LHFPL3: variants seen among roughly 807,000 people sequenced by gnomAD.
The protein encoded by LHFPL3 is LHFPL tetraspan subfamily member 3.
A neutral mutation model predicts 19.3 loss-of-function variants in LHFPL3; 5 were observed. The observed-to-expected ratio is 0.26, with a 90% CI of 0.14 to 0.54. LHFPL3 has a LOEUF of 0.54. LHFPL3 is among the 20% of genes least tolerant of loss of function. The pLI is 0.94. For synonymous variants in LHFPL3, 133 were observed against 126.2 expected (o/e 1.05, Z -0.36); for missense variants, 249 against 307.4 (o/e 0.81, Z 1.42).
chr7:104,890,370 C>T (rs888023161), intron 2 of LHFPL3, among the ~76,000 whole-genome samples: 2 of 152,184 alleles, frequency 1.3e-5, no homozygotes, highest in Admixed American at 1.3e-4. Context: ...CTTACTGGTC[C>T]TGTGCATCTT....
At chr7:104,637,485 G>T (rs897096167) in intron 1 of LHFPL3, among the ~76,000 whole-genome samples, 1 of 152,120 alleles carries the variant, frequency 6.6e-6, no homozygotes, top group Non-Finnish European at 1.5e-5. Context: ...TACTTCCTAG[G>T]TTATCTTCTA....
chr7:104,668,764 T>A, intron 1 of LHFPL3: 1 of 1,532,588 alleles, frequency 6.5e-7, no homozygotes, highest in Admixed American at 1.8e-5. Context: ...CTCGGAGTAC[T>A]CCTAAGGAAG....
chr7:104,594,697 T>C (rs1045565265), intron 1 of LHFPL3, among the ~76,000 whole-genome samples: 4 of 152,230 alleles, frequency 2.6e-5, no homozygotes, highest in Admixed American at 2.0e-4. Context: ...ATTTGGTCTT[T>C]TCACATAGTC....
intron 1 of LHFPL3, among the ~76,000 whole-genome samples, chr7:104,477,882 C>T (rs1328055676): frequency 6.6e-6 from 1 of 152,050 alleles, no homozygotes; most frequent in African/African-American, 2.4e-5. Context: ...CAGGAATTAG[C>T]CAGATGGGGA....
At chr7:104,472,238 C>A (rs1018365709) in intron 1 of LHFPL3, among the ~76,000 whole-genome samples, 3 of 151,302 alleles carry the variant, frequency 2.0e-5, no homozygotes, top group Non-Finnish European at 4.4e-5. Flanking sequence ...TCACTATGAG[C>A]AAAACAATAT....
At chr7:104,343,244 G>A (rs1438700123) in intron 1 of LHFPL3, among the ~76,000 whole-genome samples, 1 of 151,878 alleles carries the variant, frequency 6.6e-6, no homozygotes, top group Non-Finnish European at 1.5e-5. Context: ...GCTGGGTGTG[G>A]TGACTCTCAC....
chr7:104,621,970 A>G (rs185821674), intron 1 of LHFPL3, among the ~76,000 whole-genome samples: 1 of 152,214 alleles, frequency 6.6e-6, no homozygotes, highest in African/African-American at 2.4e-5. Context: ...CCCACCCCAG[A>G]AGATACAGCA....
intron 1 of LHFPL3, among the ~76,000 whole-genome samples, chr7:104,376,647 C>G (rs1562878952): frequency 2.0e-5 from 3 of 152,080 alleles, no homozygotes; most frequent in Admixed American, 1.3e-4. Context: ...AAGCTTTTAT[C>G]AAAATATACT....
At chr7:104,874,701 GC>G (rs1421826580) in intron 2 of LHFPL3, among the ~76,000 whole-genome samples, 1 of 151,982 alleles carries the variant, frequency 6.6e-6, no homozygotes. Flanking sequence ...GAGCCACCGC[GC>G]CCAGCTGGCA....
At chr7:104,699,328 A>G (rs1179660136) in intron 1 of LHFPL3, among the ~76,000 whole-genome samples, 1 of 152,268 alleles carries the variant, frequency 6.6e-6, no homozygotes, top group African/African-American at 2.4e-5. Flanking sequence ...ATGCACATAC[A>G]ATAGAATATT....
intron 1 of LHFPL3, among the ~76,000 whole-genome samples, chr7:104,404,410 T>G (rs1256132196): frequency 6.6e-6 from 1 of 152,242 alleles, no homozygotes; most frequent in Non-Finnish European, 1.5e-5. Flanking sequence ...AAAAACTGCT[T>G]ATGCAATTCA....
chr7:104,389,312 A>T (rs1340853209), intron 1 of LHFPL3, among the ~76,000 whole-genome samples: 2 of 152,218 alleles, frequency 1.3e-5, no homozygotes, highest in Non-Finnish European at 2.9e-5. Flanking sequence ...AAATACATTC[A>T]ATGAAAAGTA....
intron 1 of LHFPL3, among the ~76,000 whole-genome samples, chr7:104,527,668 A>G (rs1424638180): frequency 6.6e-6 from 1 of 152,124 alleles, no homozygotes; most frequent in East Asian, 1.9e-4. Flanking sequence ...CTAGGGAGGA[A>G]GCTGGATAGC....
At chr7:104,367,277 A>C (rs1465032372) in intron 1 of LHFPL3, among the ~76,000 whole-genome samples, 1 of 152,244 alleles carries the variant, frequency 6.6e-6, no homozygotes, top group Non-Finnish European at 1.5e-5. Context: ...ATCATCAAAA[A>C]GAATGACTTA....
intron 1 of LHFPL3, among the ~76,000 whole-genome samples, chr7:104,443,474 C>T (rs2116585997): frequency 6.6e-6 from 1 of 152,314 alleles, no homozygotes; most frequent in East Asian, 1.9e-4. Flanking sequence ...CCCACCATGT[C>T]TACCACTCAG....
At chr7:104,660,036 C>G (rs1478143958) in intron 1 of LHFPL3, among the ~76,000 whole-genome samples, 2 of 148,220 alleles carry the variant, frequency 1.3e-5, no homozygotes, top group Admixed American at 1.4e-4. Flanking sequence ...GAGTCTCACT[C>G]TGTTGCCCAG....
intron 2 of LHFPL3, among the ~76,000 whole-genome samples, chr7:104,892,630 G>A (rs1792272793): frequency 6.8e-6 from 1 of 146,414 alleles, no homozygotes; most frequent in Non-Finnish European, 1.5e-5. Flanking sequence ...AGAATCACCT[G>A]AACCCGGGAG....
intron 1 of LHFPL3, among the ~76,000 whole-genome samples, chr7:104,470,638 G>A (rs907543310): frequency 2.6e-4 from 40 of 152,134 alleles, no homozygotes; most frequent in African/African-American, 9.4e-4. Flanking sequence ...TACAGATGAG[G>A]AAACAGAGGG....
At chr7:104,445,335 C>T (rs1792310745) in intron 1 of LHFPL3, among the ~76,000 whole-genome samples, 1 of 152,164 alleles carries the variant, frequency 6.6e-6, no homozygotes, top group Non-Finnish European at 1.5e-5. Flanking sequence ...TTCCTGGATC[C>T]ATCTGCAGCT....
Sources: allele counts gnomAD v4.1 joint callset (sites outside exome capture counted in the v4.1 genomes callset), GRCh38; gene constraint gnomAD v4.1.1; transcripts MANE v1.5; gene names NCBI Gene and HGNC (gene_info 2026-07-23, HGNC 2026-07-21).